Variants in RIC1 observed in about 807,000 individuals in gnomAD.
The protein encoded by RIC1 is guanine nucleotide exchange factor subunit RIC1.
In RIC1, 88 loss-of-function variants were observed where a neutral mutation model predicts 169.0. The observed-to-expected ratio is 0.52, with a 90% CI of 0.44 to 0.62. The LOEUF is 0.62. Ranked by LOEUF, RIC1 falls within the 20% of genes least tolerant of loss-of-function variation. RIC1 has a pLI of 0.00. For synonymous variants in RIC1, 790 were observed against 601.5 expected, an observed-to-expected ratio of 1.31 and a Z score of -4.59; for missense variants, 1,877 against 1,725.5, an observed-to-expected ratio of 1.09 and a Z score of -1.56.
chr9:5,702,220 T>A (rs1023983593), intron 3 of RIC1, among the ~76,000 whole-genome samples: 4 of 152,222 alleles, frequency 2.6e-5, no homozygotes, highest in African/African-American at 9.6e-5. Flanking sequence ...GAATATACTT[T>A]CAGTGTATTA....
In RIC1 at chr9:5,769,479, CA is replaced by C. The variant is rs1420381674; in HGVS notation, c.3424+228del. 8 of 1,436,244 alleles carry C rather than the reference CA, an allele frequency of 5.6e-6. No homozygotes were observed. In the African/African-American group the frequency reaches 1.1e-4, roughly 21 times the overall value. 89.0% of individuals were successfully genotyped at this position (1,436,244 alleles called of 1,614,324 possible). A position where few individuals can be genotyped will look rare whatever the true frequency, so the allele number is the denominator to read the frequency against. ...AGTCTTGTGACCTTGAAGTCTAATT[CA>C]AAAATCTAATCATACTTGGATTATA... On this transcript the variant is annotated intron_variant, in intron 22 of 25. Coordinates refer to ENST00000414202, the MANE Select transcript of RIC1 (RefSeq NM_020829.4).
At chr9:5,773,208 T>A in intron 25 of RIC1, 128 bp downstream of exon 25, 2 of 326,502 alleles carry the variant, frequency 6.1e-6, no homozygotes, top group Non-Finnish European at 1.0e-5. Context: ...ATTTATTATA[T>A]GTTCATTTTT....
At chr9:5,672,267 C>T (rs545479611) in intron 2 of RIC1, among the ~76,000 whole-genome samples, 12 of 152,288 alleles carry the variant, frequency 7.9e-5, no homozygotes, top group Non-Finnish European at 1.3e-4. Context: ...TAAGGGAGCT[C>T]ATTAACTTTA....
intron 2 of RIC1, among the ~76,000 whole-genome samples, chr9:5,664,531 G>C (rs959267108): frequency 2.0e-5 from 3 of 152,114 alleles, no homozygotes; most frequent in Admixed American, 6.5e-5. Context: ...CTTTCTGTCT[G>C]ACTGCCCTTA....
intron 3 of RIC1, among the ~76,000 whole-genome samples, chr9:5,693,529 C>A (rs1821708151): frequency 6.6e-6 from 1 of 151,980 alleles, no homozygotes; most frequent in Non-Finnish European, 1.5e-5. Flanking sequence ...TCTTAGATTC[C>A]ATTGTATATT....
At chr9:5,660,753 T>C (rs186481937) in intron 2 of RIC1, among the ~76,000 whole-genome samples, 2 of 152,278 alleles carry the variant, frequency 1.3e-5, no homozygotes, top group African/African-American at 4.8e-5. Flanking sequence ...ATTAGACCTT[T>C]CTTTGTCAGA....
At position 5,774,110 on chromosome 9, in the gene RIC1, G is replaced by A; in HGVS notation, c.4136G>A (p.Gly1379Asp). The A allele has an allele frequency of 1.2e-6, 2 of 1,614,056 alleles. No individual in the cohort carries two copies. The highest frequency in any genetic ancestry group is 1.7e-6 in the Non-Finnish European group (2 of 1,179,992). ...AGCCCCCGGGCAGAGGAGAGCAGGG[G>A]CTCCTCCAGCCATGGAAGCATCCCC... is the stretch of plus-strand genomic sequence containing the variant. ...QTSPRAEESRGSSSHGSIPQG... is the reference protein window; with the variant it reads ...QTSPRAEESRDSSSHGSIPQG... Residue 1379 changes from glycine to aspartate, a missense_variant, in exon 26 of 26, where the codon GGC becomes GAC. By Grantham distance (94) the Gly-to-Asp change is moderately conservative. Transcript: ENST00000414202.
intron 1 of RIC1, among the ~76,000 whole-genome samples, chr9:5,641,680 C>A (rs912690249): frequency 8.7e-6 from 1 of 115,384 alleles, no homozygotes; most frequent in African/African-American, 5.2e-5. Context: ...ATTCTTTCTT[C>A]TGCTTGATCA....
chr9:5,769,944 GATACA>G (rs1827085882), intron 22 of RIC1, 138 bp from the exon 23 acceptor site: 6 of 646,920 alleles, frequency 9.3e-6, no homozygotes, highest in Non-Finnish European at 1.5e-5. Context: ...TGGGGTGGCT[GATACA>G]GTACAGGACA....
chr9:5,655,988 G>A lies in RIC1; in HGVS notation c.145-595G>A, dbSNP rs111445899. The stretch of plus-strand genomic sequence containing the variant: ...AGGTTCACGCTATTCTCCTGCCTCA[G>A]CCTCCTGAGTAGCTGGGACTACAGG... On this transcript the variant is annotated intron_variant, in intron 1 of 25. Coordinates refer to ENST00000414202, the MANE Select transcript of RIC1 (RefSeq NM_020829.4). 1.4e-3 allele frequency among the ~76,000 whole-genome samples: 207 copies of A among 152,156 alleles called. 1 individual carries two copies. Among genetic ancestry groups the A allele is most frequent in the African/African-American group, 4.8e-3 (198 of 41,500 alleles).
chr9:5,668,187 G>A (rs1329121786), intron 2 of RIC1, among the ~76,000 whole-genome samples: 1 of 152,112 alleles, frequency 6.6e-6, no homozygotes, highest in Non-Finnish European at 1.5e-5. Context: ...AGAACACCGT[G>A]AGGGTACCAC....
At position 5,739,100 on chromosome 9, in the gene RIC1, A is replaced by G. The variant is rs549450063; in HGVS notation, c.901+562A>G. On this transcript the variant is annotated intron_variant, in intron 8 of 25. Transcript: ENST00000414202. ...GCTGCCCTTGTAAATCTGTTTTGCA[A>G]GGCATCAGTCAAGGGTATATCTTCT... Among the ~76,000 whole-genome samples the G allele has an allele frequency of 7.2e-5, 11 of 152,222 alleles. No homozygotes were observed. The South Asian group carries it at 1.9e-3, about 26-fold the overall frequency.
At chr9:5,642,069 G>C (rs1190184085) in intron 1 of RIC1, among the ~76,000 whole-genome samples, 1 of 144,490 alleles carries the variant, frequency 6.9e-6, no homozygotes, top group Non-Finnish European at 1.5e-5. Context: ...TGTCCTTTTT[G>C]AGAAGTCTTT....
rs753864671 is a variant in RIC1 at position 5,743,720 on chromosome 9, C to T, written c.1078C>T (p.Leu360Phe). ...YRSDGTKKDPLKINSMSWGAE... is the reference protein window; with the variant it reads ...YRSDGTKKDPFKINSMSWGAE... ...GTCTGATGGCACCAAAAAAGATCCC[C>T]TTAAGATCAACTCTATGGTAAGTAC... Residue 360 changes from leucine to phenylalanine, a missense_variant, in exon 10 of 26, where the codon CTT becomes TTT. Around this residue, in one of 3 missense-constraint regions of RIC1, gnomAD observed 1,104 missense variants for 992.0 expected, o/e 1.11. Coordinates refer to ENST00000414202, the MANE Select transcript of RIC1 (RefSeq NM_020829.4). The T allele has an allele frequency of 6.2e-6, 10 of 1,610,456 alleles. No homozygotes were observed. The South Asian group carries it at 9.9e-5, about 16-fold the overall frequency.
At chr9:5,749,925 C>G (rs994935537) in intron 12 of RIC1, among the ~76,000 whole-genome samples, 1 of 151,478 alleles carries the variant, frequency 6.6e-6, no homozygotes, top group East Asian at 1.9e-4. Context: ...ATTACAGGCA[C>G]CTGCCACCAT....
At chr9:5,683,109 A>G (rs1350818591) in intron 2 of RIC1, among the ~76,000 whole-genome samples, 1 of 151,460 alleles carries the variant, frequency 6.6e-6, no homozygotes, top group African/African-American at 2.4e-5. Flanking sequence ...ATTGGTTCGC[A>G]CAGAGTAATT....
chr9:5,653,176 TGCAA>T (rs1473658827), intron 1 of RIC1, among the ~76,000 whole-genome samples: 1 of 152,202 alleles, frequency 6.6e-6, no homozygotes, highest in Non-Finnish European at 1.5e-5. Context: ...TACTATTCAT[TGCAA>T]AGACTGTCTT....
chr9:5,772,655 T>C lies in RIC1; in HGVS notation c.3708T>C (p.Ser1236=), dbSNP rs376569659. Residue 1236 remains serine, a synonymous_variant, in exon 24 of 26, where the codon TCT becomes TCC. Transcript: ENST00000414202. The part of the protein sequence containing the change: ...GDWTMVDENF[S]TLSLTQSELE... ...GGACAATGGTGGATGAAAATTTCTCTACACTCAGTTTAACTCAGTCAGAGC... is the reference window on the plus strand; with the variant it reads ...GGACAATGGTGGATGAAAATTTCTCCACACTCAGTTTAACTCAGTCAGAGC... 13 of 1,613,872 alleles carry C rather than the reference T, an allele frequency of 8.1e-6. No individual in the cohort carries two copies. The highest frequency in any genetic ancestry group is 2.7e-5 in the African/African-American group (2 of 74,924).
chr9:5,653,516 A>G (rs974972887), intron 1 of RIC1, among the ~76,000 whole-genome samples: 1 of 152,234 alleles, frequency 6.6e-6, no homozygotes, highest in Admixed American at 6.5e-5. Flanking sequence ...CAAGTTGGGA[A>G]GAACTGACAT....
Sources: allele counts gnomAD v4.1 joint callset (sites outside exome capture counted in the v4.1 genomes callset), GRCh38; gene constraint gnomAD v4.1.1; regional missense constraint gnomAD v4.1.1; transcripts MANE v1.5; gene names NCBI Gene and HGNC (gene_info 2026-07-23, HGNC 2026-07-21).